Variants in SPSB4 observed in about 807,000 individuals in gnomAD.
SPSB4 encodes splA/ryanodine receptor domain and SOCS box containing 4.
A neutral mutation model predicts 20.9 loss-of-function variants in SPSB4; 21 were observed. The ratio of observed to expected loss-of-function variants is 1.01; its 90% CI spans 0.71 to 1.45. SPSB4 has a LOEUF of 1.45. Ranked by LOEUF, SPSB4 falls within the 40% of genes most tolerant of loss-of-function variation. SPSB4 has a pLI of 0.00. For synonymous variants in SPSB4, 207 were observed against 183.8 expected (o/e 1.13, Z -1.02); for missense variants, 399 against 399.2 (o/e 1.00, Z 0.00).
intron 2 of SPSB4, among the ~76,000 whole-genome samples, chr3:141,087,059 G>A (rs1027327509): frequency 1.3e-5 from 2 of 152,202 alleles, no homozygotes; most frequent in Non-Finnish European, 2.9e-5. Context: ...CAGCTGCCTG[G>A]AAGATGACAC....
intron 1 of SPSB4, among the ~76,000 whole-genome samples, chr3:141,059,161 C>A (rs759066058): frequency 2.0e-5 from 3 of 152,092 alleles, no homozygotes; most frequent in Non-Finnish European, 4.4e-5. Context: ...GACAGAGGTA[C>A]AGGGCAGGCC....
intron 2 of SPSB4, among the ~76,000 whole-genome samples, chr3:141,139,276 T>G (rs1464183775): frequency 7.9e-5 from 12 of 152,186 alleles, no homozygotes; most frequent in Non-Finnish European, 1.6e-4. Flanking sequence ...TGATGGGTCT[T>G]GACTCTTTAT....
At chr3:141,052,301 C>T (rs1447111762) in intron 1 of SPSB4, among the ~76,000 whole-genome samples, 1 of 152,196 alleles carries the variant, frequency 6.6e-6, no homozygotes, top group African/African-American at 2.4e-5. Flanking sequence ...CACTCACTGG[C>T]TGAGTGACCT....
At chr3:141,059,389 C>T (rs549207377) in intron 1 of SPSB4, among the ~76,000 whole-genome samples, 120 of 150,340 alleles carry the variant, frequency 8.0e-4, no homozygotes, top group African/African-American at 2.3e-3. Context: ...ACAGGAAGCA[C>T]GGTGCTGGCA....
intron 2 of SPSB4, among the ~76,000 whole-genome samples, chr3:141,075,642 G>A (rs978827936): frequency 2.0e-5 from 3 of 152,082 alleles, no homozygotes; most frequent in Non-Finnish European, 4.4e-5. Context: ...GCTCCTGGAT[G>A]ATGCTGATGA....
chr3:141,108,644 C>T (rs143847822), intron 2 of SPSB4, among the ~76,000 whole-genome samples: 183 of 152,268 alleles, frequency 1.2e-3, no homozygotes, highest in African/African-American at 3.9e-3. Context: ...CCTAGTTTAT[C>T]GGGTAGCCAC....
chr3:141,103,201 TG>T (rs1005296685), intron 2 of SPSB4, among the ~76,000 whole-genome samples: 1 of 152,218 alleles, frequency 6.6e-6, no homozygotes, highest in African/African-American at 2.4e-5. Context: ...TGGCTCCATT[TG>T]CAGACCTAGC....
At chr3:141,081,392 C>A (rs1215399724) in intron 2 of SPSB4, among the ~76,000 whole-genome samples, 2 of 152,196 alleles carry the variant, frequency 1.3e-5, no homozygotes, top group Non-Finnish European at 2.9e-5. Flanking sequence ...AGAGCACAGG[C>A]CTCTGTTTCT....
At chr3:141,055,070 TGTGTACGA>T (rs1455119231) in intron 1 of SPSB4, among the ~76,000 whole-genome samples, 2 of 152,116 alleles carry the variant, frequency 1.3e-5, no homozygotes, top group African/African-American at 4.8e-5. Flanking sequence ...GGTACAAGGC[TGTGTACGA>T]GTATTGGAGA....
At chr3:141,093,293 T>C (rs931513268) in intron 2 of SPSB4, among the ~76,000 whole-genome samples, 3 of 151,670 alleles carry the variant, frequency 2.0e-5, no homozygotes, top group Non-Finnish European at 4.4e-5. Context: ...TAATAAAATA[T>C]CTAGTAATGC....
At chr3:141,134,868 T>C (rs1939199009) in intron 2 of SPSB4, among the ~76,000 whole-genome samples, 1 of 150,900 alleles carries the variant, frequency 6.6e-6, no homozygotes, top group African/African-American at 2.5e-5. Flanking sequence ...TTTCTCTATC[T>C]TTTGGAATAG....
At position 141,079,769 on chromosome 3, in the gene SPSB4, G is replaced by T. The variant is rs1938191623; in HGVS notation, c.694+12971G>T. Among the ~76,000 whole-genome samples the T allele has an allele frequency of 1.3e-5, 2 of 152,226 alleles. 1 individual carries two copies. The highest frequency in any genetic ancestry group is 4.1e-4 in the South Asian group (2 of 4,834). The stretch of plus-strand genomic sequence containing the variant: ...AAAGTTGGAGAATATGATAAGGGAG[G>T]GAGGTCAGCTGCTGCAGTGGTCCCC... On this transcript the variant is annotated intron_variant, in intron 2 of 2. Transcript: ENST00000310546.
intron 2 of SPSB4, among the ~76,000 whole-genome samples, chr3:141,109,783 C>T (rs1288515583): frequency 2.0e-5 from 3 of 152,118 alleles, no homozygotes; most frequent in Non-Finnish European, 4.4e-5. Flanking sequence ...CAAAAAGCGG[C>T]CTTCCAGGTA....
chr3:141,113,640 G>A (rs1328357708), intron 2 of SPSB4, among the ~76,000 whole-genome samples: 1 of 152,170 alleles, frequency 6.6e-6, no homozygotes, highest in Non-Finnish European at 1.5e-5. Context: ...ACAGAGGGTA[G>A]ATTAGTGGTT....
chr3:141,116,564 C>T lies in SPSB4; in HGVS notation c.695-30578C>T, dbSNP rs1412950765. On this transcript the variant is annotated intron_variant, in intron 2 of 2. Coordinates refer to ENST00000310546, the MANE Select transcript of SPSB4 (RefSeq NM_080862.3). ...CAGACCATGTTGCCCCAGTTCCAAT[C>T]CCATACTCACCACTTAACTGTGACC... Among the ~76,000 whole-genome samples, 16 of 152,204 alleles carry T rather than the reference C, an allele frequency of 1.1e-4. No homozygotes were observed. In the East Asian group the frequency reaches 2.7e-3, roughly 26 times the overall value.
chr3:141,064,659 C>T (rs935489463), intron 1 of SPSB4, among the ~76,000 whole-genome samples: 1 of 152,206 alleles, frequency 6.6e-6, no homozygotes, highest in East Asian at 1.9e-4. Flanking sequence ...GAGGGCAGGG[C>T]ATGAAAAACA....
At chr3:141,090,779 C>T (rs1183404094) in intron 2 of SPSB4, among the ~76,000 whole-genome samples, 1 of 152,146 alleles carries the variant, frequency 6.6e-6, no homozygotes, top group Non-Finnish European at 1.5e-5. Flanking sequence ...AAAAGGATCA[C>T]TTTAACTGCA....
At chr3:141,107,993 G>A (rs556719076) in intron 2 of SPSB4, among the ~76,000 whole-genome samples, 5 of 152,082 alleles carry the variant, frequency 3.3e-5, no homozygotes, top group South Asian at 2.1e-4. Context: ...ATTTGTCTGC[G>A]GTGGCCTCTT....
rs373375748 is a variant in SPSB4 at position 141,083,890 on chromosome 3, C to G, written c.694+17092C>G. On this transcript the variant is annotated intron_variant, in intron 2 of 2. Coordinates refer to ENST00000310546, the MANE Select transcript of SPSB4 (RefSeq NM_080862.3). ...TTGACTCTGGCCCCTGCTTACCTCC[C>G]TCCCCTCTGAACTCCAGAACCCTCT... Among the ~76,000 whole-genome samples, 14 of 152,106 alleles carry G rather than the reference C, an allele frequency of 9.2e-5. No individual in the cohort carries two copies. The East Asian group carries it at 1.2e-3, about 13-fold the overall frequency.
Sources: allele counts gnomAD v4.1 joint callset (sites outside exome capture counted in the v4.1 genomes callset), GRCh38; gene constraint gnomAD v4.1.1; transcripts MANE v1.5; gene names NCBI Gene and HGNC (gene_info 2026-07-23, HGNC 2026-07-21).